Variants in ABHD17C observed in about 807,000 individuals in gnomAD.
ABHD17C encodes the protein alpha/beta hydrolase domain-containing protein 17C.
In ABHD17C, 11 loss-of-function variants were observed where a neutral mutation model predicts 27.9. The ratio of observed to expected loss-of-function variants is 0.39; its 90% CI spans 0.25 to 0.65. The LOEUF is 0.65. Among genes scored for constraint, ABHD17C ranks in the 30% least tolerant of loss-of-function variants. The pLI is 0.45. For synonymous variants in ABHD17C, 233 were observed against 209.1 expected (o/e 1.11, Z -0.98); for missense variants, 280 against 470.2 (o/e 0.60, Z 3.74).
intron 1 of ABHD17C, among the ~76,000 whole-genome samples, chr15:80,697,397 G>A (rs1894509699): frequency 6.6e-6 from 1 of 152,164 alleles, no homozygotes; most frequent in Admixed American, 6.5e-5. Flanking sequence ...GCTAGAATTT[G>A]CTGTTGGCAA....
intron 1 of ABHD17C, among the ~76,000 whole-genome samples, chr15:80,743,416 G>GT (rs1895236884): frequency 6.6e-6 from 1 of 152,138 alleles, no homozygotes; most frequent in South Asian, 2.1e-4. Flanking sequence ...AGAAAGCGCT[G>GT]TGTGTAGGCC....
rs914147043 is a variant in ABHD17C at position 80,695,810 on chromosome 15, C to T, written c.381C>T (p.Cys127=). The change falls in exon 1 of 3, where the codon TGC becomes TGT. Residue 127 remains cysteine, a synonymous_variant. Transcript: ENST00000258884. This position sits in a 1 kb window ranked among gnomAD's most constrained non-coding sequence, Gnocchi z 4.3. Reference sequence around the variant, plus strand: ...GGCTCGGCTGCATGTTCGTGCGCTGCGCGCCCTCCAGCCGCTACACGCTGC... The same window carrying T: ...GGCTCGGCTGCATGTTCGTGCGCTGTGCGCCCTCCAGCCGCTACACGCTGC... ...DNRLGCMFVR[C]APSSRYTLLF... 9.0e-6 allele frequency: 14 copies of T among 1,559,676 alleles called. No individual in the cohort carries two copies. The highest frequency in any genetic ancestry group is 9.5e-6 in the Non-Finnish European group (11 of 1,162,394).
At chr15:80,727,189 A>G (rs1894992748) in intron 1 of ABHD17C, among the ~76,000 whole-genome samples, 1 of 152,206 alleles carries the variant, frequency 6.6e-6, no homozygotes, top group South Asian at 2.1e-4. Context: ...GAACAGCTGA[A>G]CTTTCAATCT....
chr15:80,718,701 A>T (rs1894844417), intron 1 of ABHD17C, among the ~76,000 whole-genome samples: 1 of 152,154 alleles, frequency 6.6e-6, no homozygotes, highest in Non-Finnish European at 1.5e-5. Flanking sequence ...CTTAATATTC[A>T]ATCTTGGTTT....
chr15:80,713,538 A>G (rs185494205), intron 1 of ABHD17C, among the ~76,000 whole-genome samples: 77 of 151,964 alleles, frequency 5.1e-4, no homozygotes, highest in Non-Finnish European at 8.8e-4. Context: ...GGCCAGGTGC[A>G]GTGGCTCACG....
At chr15:80,741,346 A>G (rs28470775) in intron 1 of ABHD17C, among the ~76,000 whole-genome samples, 4,033 of 152,238 alleles carry the variant, frequency 0.026, 201 homozygotes, top group African/African-American at 0.091. Context: ...CAGCAAAACT[A>G]GCACAATTTT....
rs764316946 is a variant in ABHD17C, at chr15:80,695,921, C to T, written c.492C>T (p.Phe164=). ...GCTCCCGCATCAACTGCAACATCTT[C>T]TCCTACGACTACTCGGGATACGGCG... ...GLGSRINCNI[F]SYDYSGYGVS... is the part of the protein sequence containing the mutation. Residue 164 remains phenylalanine (F), a synonymous_variant, in exon 1 of 3, where the codon TTC becomes TTT. Coordinates refer to ENST00000258884, the MANE Select transcript of ABHD17C (RefSeq NM_021214.2). The surrounding 1 kb of genome is among the most constrained non-coding windows in gnomAD (Gnocchi z 4.3). 3 of 1,597,392 alleles carry T rather than the reference C, an allele frequency of 1.9e-6. No individual in the cohort carries two copies. In the South Asian group the frequency reaches 3.3e-5, roughly 18 times the overall value.
chr15:80,743,013 G>A (rs1428953988), intron 1 of ABHD17C, among the ~76,000 whole-genome samples: 1 of 151,824 alleles, frequency 6.6e-6, no homozygotes, highest in Non-Finnish European at 1.5e-5. Context: ...GGGTGGGGTG[G>A]TGGGGAAATG....
At chr15:80,744,011 A>G (rs1307234964) in intron 1 of ABHD17C, among the ~76,000 whole-genome samples, 1 of 152,216 alleles carries the variant, frequency 6.6e-6, no homozygotes, top group Non-Finnish European at 1.5e-5. Flanking sequence ...GTTTTTTGAG[A>G]AAATACTTTT....
intron 1 of ABHD17C, among the ~76,000 whole-genome samples, chr15:80,737,964 G>T (rs978493914): frequency 1.7e-4 from 25 of 149,068 alleles, no homozygotes; most frequent in Non-Finnish European, 2.8e-4. Context: ...AAAAAAGTTT[G>T]TTTTTTTTTT....
chr15:80,751,528 G>A (rs1313497285), intron 2 of ABHD17C, among the ~76,000 whole-genome samples: 1 of 152,138 alleles, frequency 6.6e-6, no homozygotes, highest in African/African-American at 2.4e-5. Flanking sequence ...TATCACTTGA[G>A]GCCAGGAGTA....
intron 1 of ABHD17C, 29 bp downstream of exon 1, chr15:80,696,048 C>T: frequency 2.0e-6 from 3 of 1,524,666 alleles, no homozygotes; most frequent in Non-Finnish European, 2.6e-6. Flanking sequence ...CCAGGCCTGA[C>T]TTCCAGCTGT....
chr15:80,748,580 G>T (rs1895323645), intron 1 of ABHD17C, among the ~76,000 whole-genome samples: 2 of 151,762 alleles, frequency 1.3e-5, no homozygotes, highest in Admixed American at 1.3e-4. Context: ...TCGCCTATTT[G>T]TCTTTTTCTT....
At chr15:80,697,623 A>G (rs1437353336) in intron 1 of ABHD17C, among the ~76,000 whole-genome samples, 1 of 149,312 alleles carries the variant, frequency 6.7e-6, no homozygotes, top group Non-Finnish European at 1.5e-5. Context: ...TATTTCCTGG[A>G]AACTTTTTTT....
intron 1 of ABHD17C, among the ~76,000 whole-genome samples, chr15:80,725,878 G>A (rs376641987): frequency 3.3e-5 from 5 of 152,114 alleles, no homozygotes; most frequent in South Asian, 2.1e-4. Context: ...AGACCAGCTC[G>A]GTTGGGGAGA....
Position 80,705,333 on chromosome 15 carries a change from T to TTTTTTGTG in ABHD17C, c.590+9315_590+9316insTTTTGTGT, listed in dbSNP as rs10523879. On this transcript the variant is annotated intron_variant, in intron 1 of 2. Coordinates refer to ENST00000258884, the MANE Select transcript of ABHD17C (RefSeq NM_021214.2). ...CCTGCAGTTCTGAGCTTCCTATGAT[T>TTTTTTGTG]TGTGTGTGTGTGTGTGTGTGTGTGT... 6.5e-5 allele frequency among the ~76,000 whole-genome samples: 7 copies of TTTTTTGTG among 106,890 alleles called. No individual in the cohort carries two copies. In the South Asian group the frequency reaches 1.8e-3, roughly 27 times the overall value. The allele number at this position is 106,890 out of a possible 152,430, so 70.1% of individuals were successfully genotyped here. A position where few individuals can be genotyped will look rare whatever the true frequency, so the allele number is the denominator to read the frequency against.
At chr15:80,741,331 AC>A (rs964429617) in intron 1 of ABHD17C, among the ~76,000 whole-genome samples, 166 of 152,280 alleles carry the variant, frequency 1.1e-3, no homozygotes, top group Admixed American at 0.011. Context: ...TGAGCCCTGT[AC>A]ATGCAGCAAA....
intron 1 of ABHD17C, among the ~76,000 whole-genome samples, chr15:80,712,066 C>T (rs1049468730): frequency 2.0e-5 from 3 of 152,186 alleles, no homozygotes; most frequent in East Asian, 1.9e-4. Context: ...ACAGACTTCC[C>T]GTTCTCTGTC....
At chr15:80,736,274 T>G (rs1411294227) in intron 1 of ABHD17C, among the ~76,000 whole-genome samples, 1 of 151,914 alleles carries the variant, frequency 6.6e-6, no homozygotes, top group African/African-American at 2.4e-5. Context: ...CGTGTTTTTG[T>G]TTTTTTTGAC....
Sources: allele counts gnomAD v4.1 joint callset (sites outside exome capture counted in the v4.1 genomes callset), GRCh38; gene constraint gnomAD v4.1.1; non-coding constraint Gnocchi (gnomAD v3.1); transcripts MANE v1.5; gene names NCBI Gene and HGNC (gene_info 2026-07-23, HGNC 2026-07-21).